The following STOM variants were observed in gnomAD, a reference collection of about 807,000 sequenced individuals.
The protein encoded by STOM is erythrocyte band 7 integral membrane protein.
Under a neutral mutation model 30.6 loss-of-function variants are expected in STOM, and 25 were observed. That is an observed-to-expected ratio of 0.82 (90% CI 0.60 to 1.14). STOM has a LOEUF of 1.14. STOM is among the 50% of genes most tolerant of loss of function. The pLI is 0.00. For missense variants in STOM, 292 were observed against 365.2 expected, an observed-to-expected ratio of 0.80 and a Z score of 1.63; for synonymous variants, 118 against 130.8, an observed-to-expected ratio of 0.90 and a Z score of 0.67.
intron 1 of STOM, among the ~76,000 whole-genome samples, chr9:121,362,229 T>C (rs1180451031): frequency 6.6e-6 from 1 of 152,222 alleles, no homozygotes; most frequent in East Asian, 1.9e-4. Context: ...CTATAAAAAT[T>C]AGAAATGATA....
intron 4 of STOM, among the ~76,000 whole-genome samples, chr9:121,352,631 C>T (rs1236425281): frequency 6.6e-6 from 1 of 152,194 alleles, no homozygotes; most frequent in African/African-American, 2.4e-5. Context: ...ATTTGTCAGC[C>T]ATTGCTCTAA....
At chr9:121,344,311 CT>C (rs1435206313) in intron 6 of STOM, among the ~76,000 whole-genome samples, 4 of 152,194 alleles carry the variant, frequency 2.6e-5, no homozygotes, top group Non-Finnish European at 2.9e-5. Context: ...GCAGCAGGCT[CT>C]CATTTTTTCC....
At chr9:121,369,394 CCCTCCCCAGAGTACCAGTT>C (rs1300491388) in intron 1 of STOM, among the ~76,000 whole-genome samples, 6 of 152,058 alleles carry the variant, frequency 3.9e-5, no homozygotes, top group Non-Finnish European at 7.4e-5. Flanking sequence ...TATTGGAACC[CCCTCCCCAGAGTACCAGTT>C]CCTCCACAGG....
intron 1 of STOM, among the ~76,000 whole-genome samples, chr9:121,369,299 A>G (rs992484990): frequency 6.6e-6 from 1 of 152,172 alleles, no homozygotes; most frequent in African/African-American, 2.4e-5. Flanking sequence ...CTGAAATTCC[A>G]TCTTTAGAAA....
intron 4 of STOM, among the ~76,000 whole-genome samples, chr9:121,349,835 A>T (rs2064323112): frequency 1.3e-5 from 2 of 152,240 alleles, no homozygotes; most frequent in South Asian, 4.1e-4. Context: ...GCATCAAAAC[A>T]TATTTTACAG....
Position 121,339,326 on chromosome 9 carries a change from A to T in STOM, c.*1876T>A. 1 of 242,880 alleles carries T rather than the reference A, an allele frequency of 4.1e-6. No individual in the cohort carries two copies. Among genetic ancestry groups the T allele is most frequent in the Non-Finnish European group, 7.7e-6 (1 of 130,198 alleles). 15.0% of individuals were successfully genotyped at this position (242,880 alleles called of 1,614,324 possible). A position where few individuals can be genotyped will look rare whatever the true frequency, so the allele number is the denominator to read the frequency against. ...CTCAGAAAAGGTTTTCAGTCAGGAT[A>T]TGGAGGCTCCTGGTCCTCAAGGGTG... On this transcript the variant is annotated 3_prime_UTR_variant, in exon 7 of 7. Transcript: ENST00000286713.
intron 1 of STOM, among the ~76,000 whole-genome samples, chr9:121,362,628 ACTC>A (rs1193504919): frequency 1.3e-5 from 2 of 152,074 alleles, no homozygotes; most frequent in African/African-American, 2.4e-5. Context: ...TTTTGTTACT[ACTC>A]CTAATAACTA....
Position 121,341,261 on chromosome 9 carries a change from G to A in STOM, c.808C>T (p.Pro270Ser). The change falls in exon 7 of 7, where the codon CCT becomes TCT. Residue 270 changes from proline to serine, a missense_variant. Pro to Ser is a moderately conservative substitution (Grantham distance 74). Transcript: ENST00000286713. ...CCTTGCAGCATATCTATGGGCAGAG[G>A]GAAGACAATTGTTGAGTTTTTCTCA... ...AAEKNSTIVF[P>S]LPIDMLQGII... 6.2e-7 allele frequency: 1 copy of A among 1,614,164 alleles called. No individual in the cohort carries two copies. The highest frequency in any genetic ancestry group is 8.5e-7 in the Non-Finnish European group (1 of 1,180,030).
At chr9:121,366,035 T>G (rs2064499867) in intron 1 of STOM, 1 of 805,214 alleles carries the variant, frequency 1.2e-6, no homozygotes, top group Admixed American at 6.2e-5. Flanking sequence ...TACAAATCTC[T>G]TAAGTGATGG....
chr9:121,348,145 G>A lies in STOM; in HGVS notation c.530C>T (p.Thr177Ile), dbSNP rs752716834. ...REEIAHNMQS[T>I]LDDATDAWGI... ...CCAGGCATCAGTGGCATCATCCAGA[G>A]TAGACTGTTAGGAAGAGAGAAGGCA... Residue 177 changes from threonine (T) to isoleucine (I), a missense_variant, in exon 6 of 7, where the codon ACT becomes ATT. Coordinates refer to ENST00000286713, the MANE Select transcript of STOM (RefSeq NM_004099.6). 1 of 1,614,138 alleles carries A rather than the reference G, an allele frequency of 6.2e-7. No homozygotes were observed. Among genetic ancestry groups the A allele is most frequent in the South Asian group, 1.1e-5 (1 of 91,080 alleles).
Position 121,345,890 on chromosome 9 carries a change from C to T in STOM, c.660+2125G>A, listed in dbSNP as rs145850601. On this transcript the variant is annotated intron_variant, in intron 6 of 6. Transcript: ENST00000286713. ...GCTACTAATCAACTGTGCGACCTTG[C>T]GGACGTCACTTAACTTTTCAGAGCT... Among the ~76,000 whole-genome samples, 73 of 152,258 alleles carry T rather than the reference C, an allele frequency of 4.8e-4. No homozygotes were observed. In the Middle Eastern group the frequency reaches 0.01, roughly 21 times the overall value.
chr9:121,354,730 T>C, intron 2 of STOM, 57 bp from the exon 3 acceptor site: 3 of 1,308,250 alleles, frequency 2.3e-6, no homozygotes, highest in Non-Finnish European at 3.2e-6. Flanking sequence ...TATACATGCA[T>C]GGCTTCTTAA....
intron 1 of STOM, among the ~76,000 whole-genome samples, chr9:121,366,857 A>G (rs1374398398): frequency 6.6e-6 from 1 of 151,912 alleles, no homozygotes; most frequent in East Asian, 1.9e-4. Flanking sequence ...CTGGGAGGGT[A>G]AAGTGGGATC....
In STOM at chr9:121,355,231, C is replaced by CAATAA. The variant is rs1554830881; in HGVS notation, c.166-559_166-558insTTATT. On this transcript the variant is annotated intron_variant, in intron 2 of 6. Coordinates refer to ENST00000286713, the MANE Select transcript of STOM (RefSeq NM_004099.6). ...CCTGGGCCACAAGGTGACTCCGTCT[C>CAATAA]AAAAAAAAAAAAAAAAAAATAATAA... Among the ~76,000 whole-genome samples the CAATAA allele has an allele frequency of 7.3e-4, 61 of 83,428 alleles. 1 individual carries two copies. Among genetic ancestry groups the CAATAA allele is most frequent in the East Asian group, 8.2e-4 (2 of 2,434 alleles). The allele number at this position is 83,428 out of a possible 152,430, so 54.7% of individuals were successfully genotyped here. A position where few individuals can be genotyped will look rare whatever the true frequency, so the allele number is the denominator to read the frequency against.
chr9:121,347,751 A>G (rs1273038574), intron 6 of STOM, among the ~76,000 whole-genome samples: 1 of 152,204 alleles, frequency 6.6e-6, no homozygotes, highest in Non-Finnish European at 1.5e-5. Context: ...GCGCAGAACA[A>G]CATGTGCAGT....
chr9:121,353,454 T>C (rs999442945), intron 3 of STOM, 152 bp from the exon 4 acceptor site: 24 of 464,220 alleles, frequency 5.2e-5, no homozygotes, highest in African/African-American at 1.6e-4. Flanking sequence ...CTTTGATTCC[T>C]CTTGCTTACT....
rs202098565 is a variant in STOM at position 121,354,651 on chromosome 9, G to A, written c.188C>T (p.Ala63Val). 2 of 1,611,630 alleles carry A rather than the reference G, an allele frequency of 1.2e-6. No homozygotes were observed. The highest frequency in any genetic ancestry group is 2.7e-5 in the African/African-American group (2 of 74,792). ...AATGCGACCCAATCTAAAGATGATG[G>A]CTCTTTCATACTCTTTTATAATCTA... ...CIKIIKEYER[A>V]IIFRLGRILQ... is the part of the protein sequence containing the mutation. The change falls in exon 3 of 7, where the codon GCC (alanine) becomes GTC (valine). Residue 63 changes from alanine (A) to valine (V), a missense_variant. Transcript: ENST00000286713.
intron 1 of STOM, chr9:121,369,842 G>A (rs1014092799): frequency 7.3e-6 from 3 of 408,920 alleles, no homozygotes; most frequent in African/African-American, 4.0e-5. Flanking sequence ...CGTGACACGA[G>A]ATAGTGCAGC....
chr9:121,355,018 G>A (rs1348760432), intron 2 of STOM, among the ~76,000 whole-genome samples: 1 of 152,024 alleles, frequency 6.6e-6, no homozygotes, highest in Non-Finnish European at 1.5e-5. Flanking sequence ...TCAGCATTTT[G>A]GAAGGCCGAG....
Sources: allele counts gnomAD v4.1 joint callset (sites outside exome capture counted in the v4.1 genomes callset), GRCh38; gene constraint gnomAD v4.1.1; transcripts MANE v1.5; gene names NCBI Gene and HGNC (gene_info 2026-07-23, HGNC 2026-07-21).